The following FAM114A1 variants were observed in gnomAD, a reference collection of about 807,000 sequenced individuals.
FAM114A1 encodes the protein protein NOXP20.
A neutral mutation model predicts 64.3 loss-of-function variants in FAM114A1; 62 were observed. That is an observed-to-expected ratio of 0.96 (90% CI 0.79 to 1.19). FAM114A1 has a LOEUF of 1.19. FAM114A1 is among the 50% of genes most tolerant of loss of function. FAM114A1 has a pLI of 0.00. For missense variants in FAM114A1, 645 were observed against 676.3 expected, an observed-to-expected ratio of 0.95 and a Z score of 0.51; for synonymous variants, 254 against 251.1, an observed-to-expected ratio of 1.01 and a Z score of -0.11.
chr4:38,899,840 C>T (rs111524036), intron 4 of FAM114A1, among the ~76,000 whole-genome samples: 3 of 152,228 alleles, frequency 2.0e-5, no homozygotes, highest in African/African-American at 7.2e-5. Context: ...TCCAATATTA[C>T]ATTTTGAATA....
chr4:38,897,787 A>T (rs1364149503), intron 4 of FAM114A1, among the ~76,000 whole-genome samples: 1 of 152,092 alleles, frequency 6.6e-6, no homozygotes, highest in Non-Finnish European at 1.5e-5. Context: ...TAAAAAAAAA[A>T]AATACAAAAA....
intron 2 of FAM114A1, among the ~76,000 whole-genome samples, chr4:38,877,520 G>A (rs1402620305): frequency 1.3e-5 from 2 of 152,160 alleles, no homozygotes; most frequent in African/African-American, 4.8e-5. Flanking sequence ...TGCGAGCGAT[G>A]GGGAGCAGCT....
intron 2 of FAM114A1, 90 bp downstream of exon 2, chr4:38,868,636 AT>A (rs1359825989): frequency 6.6e-6 from 1 of 152,332 alleles, no homozygotes; most frequent in Non-Finnish European, 1.5e-5. Context: ...CTGTGAGAGC[AT>A]TACCTATGCC....
intron 13 of FAM114A1, 119 bp from the exon 14 acceptor site, chr4:38,940,849 G>T (rs1721528690): frequency 2.9e-6 from 3 of 1,040,654 alleles, no homozygotes; most frequent in Non-Finnish European, 4.4e-6. Flanking sequence ...GAAGCATTCT[G>T]CTTCCCCTCC....
At position 38,931,344 on chromosome 4, in the gene FAM114A1, A is replaced by G; in HGVS notation, c.1162-107A>G. On this transcript the variant is annotated intron_variant, in intron 10 of 14. Transcript: ENST00000358869. ...CCCGTCATCCTCCAAACATACAGAGATCCATTCTTGAAGGCTTAGAGACAC... is the reference window on the plus strand; with the variant it reads ...CCCGTCATCCTCCAAACATACAGAGGTCCATTCTTGAAGGCTTAGAGACAC... The G allele has an allele frequency of 1.5e-6, 2 of 1,315,484 alleles. 1 individual carries two copies. The highest frequency in any genetic ancestry group is 3.3e-5 in the South Asian group (2 of 60,136). 81.5% of individuals were successfully genotyped at this position (1,315,484 alleles called of 1,614,324 possible).
At chr4:38,912,538 A>C (rs1200806966) in intron 7 of FAM114A1, among the ~76,000 whole-genome samples, 1 of 152,018 alleles carries the variant, frequency 6.6e-6, no homozygotes, top group Non-Finnish European at 1.5e-5. Flanking sequence ...GCCCGCCACC[A>C]TGCCCAGCTA....
intron 4 of FAM114A1, 75 bp downstream of exon 4, chr4:38,891,905 A>ATACAG: frequency 7.5e-7 from 1 of 1,335,204 alleles, no homozygotes; most frequent in Non-Finnish European, 1.0e-6. Context: ...ATCGTACTGT[A>ATACAG]TACTAATAGA....
intron 4 of FAM114A1, among the ~76,000 whole-genome samples, chr4:38,895,590 A>G (rs900374443): frequency 1.3e-5 from 2 of 152,196 alleles, no homozygotes; most frequent in Non-Finnish European, 2.9e-5. Flanking sequence ...AAGGGAAGGG[A>G]TCACATAGGG....
chr4:38,870,882 T>G (rs1713989461), intron 2 of FAM114A1, among the ~76,000 whole-genome samples: 1 of 152,174 alleles, frequency 6.6e-6, no homozygotes, highest in African/African-American at 2.4e-5. Context: ...GGGTATAGTC[T>G]GAAAAATGAT....
intron 12 of FAM114A1, among the ~76,000 whole-genome samples, chr4:38,933,111 C>T (rs1469619665): frequency 1.3e-5 from 2 of 152,124 alleles, no homozygotes; most frequent in African/African-American, 2.4e-5. Context: ...CTCGGCCTCC[C>T]AAAGTGCTGG....
intron 3 of FAM114A1, among the ~76,000 whole-genome samples, chr4:38,884,014 G>A (rs1489300164): frequency 6.6e-6 from 1 of 152,194 alleles, no homozygotes; most frequent in East Asian, 1.9e-4. Flanking sequence ...AGTGGAAGCT[G>A]AGACTCTATT....
At chr4:38,933,779 T>C (rs943018313) in intron 12 of FAM114A1, among the ~76,000 whole-genome samples, 1 of 152,170 alleles carries the variant, frequency 6.6e-6, no homozygotes, top group African/African-American at 2.4e-5. Flanking sequence ...GGAGCCAAAA[T>C]AGAGCCCCTG....
intron 11 of FAM114A1, 131 bp downstream of exon 11, chr4:38,931,743 C>A: frequency 1.1e-6 from 1 of 886,894 alleles, no homozygotes; most frequent in South Asian, 2.1e-5. Flanking sequence ...AAGTTTGAGA[C>A]CAGCCTGGCC....
chr4:38,932,159 C>T, intron 11 of FAM114A1, 76 bp from the exon 12 acceptor site: 1 of 1,476,424 alleles, frequency 6.8e-7, no homozygotes. Flanking sequence ...AATTATATCA[C>T]TTCTAATGTC....
At chr4:38,876,305 G>A (rs1714631931) in intron 2 of FAM114A1, among the ~76,000 whole-genome samples, 1 of 151,626 alleles carries the variant, frequency 6.6e-6, no homozygotes, top group Admixed American at 6.6e-5. Context: ...AAGTAGCTGG[G>A]ACTACAGGTG....
intron 3 of FAM114A1, among the ~76,000 whole-genome samples, chr4:38,889,145 A>G (rs1165198568): frequency 6.6e-6 from 1 of 152,246 alleles, no homozygotes; most frequent in Non-Finnish European, 1.5e-5. Flanking sequence ...AATAAATATT[A>G]TAAATTTGAG....
intron 8 of FAM114A1, among the ~76,000 whole-genome samples, chr4:38,919,252 C>A (rs1253201098): frequency 1.3e-5 from 2 of 152,084 alleles, no homozygotes; most frequent in Non-Finnish European, 2.9e-5. Flanking sequence ...TGTATAATGA[C>A]CTGGAAGGCC....
At chr4:38,942,547 C>T (rs1387246957) in intron 14 of FAM114A1, among the ~76,000 whole-genome samples, 4 of 152,058 alleles carry the variant, frequency 2.6e-5, no homozygotes, top group African/African-American at 7.2e-5. Context: ...ATGTTTTTTC[C>T]GTTTCCCCAA....
At chr4:38,872,479 A>G (rs1028381782) in intron 2 of FAM114A1, among the ~76,000 whole-genome samples, 2 of 152,242 alleles carry the variant, frequency 1.3e-5, no homozygotes, top group African/African-American at 4.8e-5. Context: ...GGGACTTCCT[A>G]ATAATCCAGA....
Sources: gnomAD v4.1 joint callset for allele counts (sites outside exome capture counted in the v4.1 genomes callset) on GRCh38, gnomAD v4.1.1 for gene constraint, MANE v1.5 for transcripts, NCBI Gene and HGNC (gene_info 2026-07-23, HGNC 2026-07-21) for gene names.